Variants in EDC3 observed in about 807,000 individuals in gnomAD.
EDC3 encodes enhancer of mRNA decapping 3.
EDC3 carries 20 observed loss-of-function variants against 41.8 expected under a neutral mutation model. The ratio of observed to expected loss-of-function variants is 0.48; its 90% CI spans 0.34 to 0.70. The LOEUF (loss-of-function observed/expected upper bound fraction) is 0.70, where lower values mean the gene tolerates loss of function less well. Among genes scored for constraint, EDC3 ranks in the 30% least tolerant of loss-of-function variants. The probability of loss-of-function intolerance (pLI) is 0.01; values close to 1 mark genes in which losing one functional copy is unlikely to be tolerated. For missense variants in EDC3, 444 were observed against 636.8 expected, an observed-to-expected ratio of 0.70 and a Z score of 3.26; for synonymous variants, 206 against 243.2, an observed-to-expected ratio of 0.85 and a Z score of 1.42.
intron 4 of EDC3, among the ~76,000 whole-genome samples, chr15:74,647,040 C>T (rs902526919): frequency 2.1e-5 from 3 of 145,008 alleles, no homozygotes; most frequent in Non-Finnish European, 3.0e-5. Context: ...AAAGGAGTCT[C>T]GTTCTGTCGC....
chr15:74,646,789 C>G (rs1252146071), intron 4 of EDC3, among the ~76,000 whole-genome samples: 1 of 151,904 alleles, frequency 6.6e-6, no homozygotes, highest in East Asian at 1.9e-4. Context: ...ACAGAAAGAC[C>G]AAGGAGAATT....
rs769636391 is a variant in EDC3, at chr15:74,640,498, C to T, written c.942G>A (p.Gln314=). 32 of 1,614,192 alleles carry T rather than the reference C, an allele frequency of 2.0e-5. No homozygotes were observed. Among genetic ancestry groups the T allele is most frequent in the South Asian group, 3.3e-5 (3 of 91,088 alleles). ...GTCCTCCGAGGAGGGTCAGTGCCATCTGACTGGCACACACACCTGTCATCT... is the reference window on the plus strand; with the variant it reads ...GTCCTCCGAGGAGGGTCAGTGCCATTTGACTGGCACACACACCTGTCATCT... The part of the protein sequence containing the change: ...RLEMTGVCAS[Q]MALTLLGGPN... Residue 314 remains glutamine (Q), a synonymous_variant, in exon 5 of 7, where the codon CAG becomes CAA. Transcript: ENST00000315127.
At chr15:74,643,118 G>GT (rs1370046634) in intron 4 of EDC3, 1 of 152,066 alleles carries the variant, frequency 6.6e-6, no homozygotes, top group Non-Finnish European at 1.5e-5. Flanking sequence ...ATTTATACAC[G>GT]TAAGTCCAAC....
intron 1 of EDC3, among the ~76,000 whole-genome samples, chr15:74,684,478 C>CAA (rs1043252193): frequency 0.22 from 13,545 of 60,578 alleles, 943 homozygotes; most frequent in Admixed American, 0.36. Flanking sequence ...GACTTTGTCT[C>CAA]AAAAAAAAAA....
At chr15:74,664,159 A>G (rs1490775333) in intron 3 of EDC3, among the ~76,000 whole-genome samples, 3 of 152,226 alleles carry the variant, frequency 2.0e-5, no homozygotes, top group Non-Finnish European at 4.4e-5. Flanking sequence ...AGATAAGAGA[A>G]CATAAAATAA....
At chr15:74,668,960 G>C (rs1374851625) in intron 3 of EDC3, among the ~76,000 whole-genome samples, 3 of 152,072 alleles carry the variant, frequency 2.0e-5, no homozygotes, top group African/African-American at 7.2e-5. Context: ...TTTAGGCCAG[G>C]TGCAGTGGCT....
intron 1 of EDC3, among the ~76,000 whole-genome samples, chr15:74,685,241 A>T (rs117533821): frequency 0.016 from 2,450 of 151,998 alleles, 41 homozygotes; most frequent in Middle Eastern, 0.048. Flanking sequence ...CAAAAAAATT[A>T]AAAAAACTAG....
intron 3 of EDC3, among the ~76,000 whole-genome samples, chr15:74,658,903 C>T (rs2062586300): frequency 6.6e-6 from 1 of 152,042 alleles, no homozygotes; most frequent in Non-Finnish European, 1.5e-5. Flanking sequence ...TGCACCACTG[C>T]ACTCCAGCCT....
intron 2 of EDC3, among the ~76,000 whole-genome samples, chr15:74,672,496 GAA>G (rs1473371837): frequency 6.6e-6 from 1 of 152,078 alleles, no homozygotes; most frequent in East Asian, 1.9e-4. Flanking sequence ...CTGGTCAGTG[GAA>G]AAGACAAGTA....
intron 1 of EDC3, among the ~76,000 whole-genome samples, chr15:74,686,561 G>A (rs537490632): frequency 1.3e-5 from 2 of 151,666 alleles, no homozygotes; most frequent in African/African-American, 2.4e-5. Context: ...GAGGCAGGTG[G>A]ATCACCTGAG....
At chr15:74,667,248 T>C (rs542285191) in intron 3 of EDC3, among the ~76,000 whole-genome samples, 12 of 152,166 alleles carry the variant, frequency 7.9e-5, no homozygotes, top group Admixed American at 2.6e-4. Context: ...ATACTTAGTA[T>C]AGTACAATAT....
At chr15:74,667,093 G>A (rs1317326649) in intron 3 of EDC3, among the ~76,000 whole-genome samples, 1 of 151,928 alleles carries the variant, frequency 6.6e-6, no homozygotes, top group Non-Finnish European at 1.5e-5. Context: ...CATGTATACT[G>A]GAATTGAATA....
At chr15:74,678,533 G>A (rs1428736511) in intron 1 of EDC3, among the ~76,000 whole-genome samples, 2 of 152,042 alleles carry the variant, frequency 1.3e-5, no homozygotes, top group Admixed American at 1.3e-4. Context: ...AGCTTTACTC[G>A]TTAATTTTAT....
chr15:74,662,443 T>A (rs1304235095), intron 3 of EDC3, among the ~76,000 whole-genome samples: 1 of 150,970 alleles, frequency 6.6e-6, no homozygotes, highest in Non-Finnish European at 1.5e-5. Context: ...ATATTTTTTT[T>A]TTAAAAAGCA....
intron 1 of EDC3, among the ~76,000 whole-genome samples, chr15:74,677,598 T>C (rs1412500407): frequency 6.6e-6 from 1 of 152,160 alleles, no homozygotes; most frequent in Non-Finnish European, 1.5e-5. Flanking sequence ...CTCGAACTCC[T>C]GACCTCAGGT....
chr15:74,665,949 C>G (rs1040026885), intron 3 of EDC3, among the ~76,000 whole-genome samples: 1 of 151,938 alleles, frequency 6.6e-6, no homozygotes, highest in South Asian at 2.1e-4. Context: ...AGGCACCCAC[C>G]ACCACACCCA....
In EDC3 at chr15:74,680,130, C is replaced by CGG. The variant is rs1287519317; in HGVS notation, c.-18-4989_-18-4988insCC. On this transcript the variant is annotated intron_variant, in intron 1 of 6. Transcript: ENST00000315127. ...ACAAAAAATTAGCCAGGCGTGGTGG[C>CGG]GTGCTCCTGAGTCCCAGCTACTCGA... Among the ~76,000 whole-genome samples, 28 of 151,018 alleles carry CGG rather than the reference C, an allele frequency of 1.9e-4. 2 individuals are homozygous for CGG. In the South Asian group the frequency reaches 5.9e-3, roughly 32 times the overall value.
At chr15:74,663,913 G>A (rs182772655) in intron 3 of EDC3, among the ~76,000 whole-genome samples, 1 of 152,276 alleles carries the variant, frequency 6.6e-6, no homozygotes. Flanking sequence ...CTGGGCACTG[G>A]TCATCATTTT....
chr15:74,635,489 A>T lies in EDC3; in HGVS notation c.1112T>A (p.Phe371Tyr). The T allele has an allele frequency of 2.5e-6, 4 of 1,614,238 alleles. No homozygotes were observed. Among genetic ancestry groups the T allele is most frequent in the Non-Finnish European group, 3.4e-6 (4 of 1,180,038 alleles). Residue 371 changes from phenylalanine (F) to tyrosine (Y), a missense_variant, in exon 6 of 7, where the codon TTT becomes TAT. Transcript: ENST00000315127. ...GGTGATAGATTCCAACATCTTGACA[A>T]AATTGGGCAGGAAAAGGATGACCTG... ...DVQVILFLPN[F>Y]VKMLESITNE...
Sources: gnomAD v4.1 joint callset for allele counts (sites outside exome capture counted in the v4.1 genomes callset) on GRCh38, gnomAD v4.1.1 for gene constraint, MANE v1.5 for transcripts, NCBI Gene and HGNC (gene_info 2026-07-23, HGNC 2026-07-21) for gene names.